The following TNIK variants were observed in gnomAD, a reference collection of about 807,000 sequenced individuals.
TNIK encodes the protein TRAF2 and NCK-interacting protein kinase.
Under a neutral mutation model 191.3 loss-of-function variants are expected in TNIK, and 49 were observed. The observed-to-expected ratio is 0.26, with a 90% CI of 0.20 to 0.32. TNIK has a LOEUF of 0.32. Ranked by LOEUF, TNIK falls within the 10% of genes least tolerant of loss-of-function variation. The pLI is 1.00. For missense variants in TNIK, 1,155 were observed against 1,702.3 expected (o/e 0.68, Z 5.66); for synonymous variants, 594 against 600.9 (o/e 0.99, Z 0.17).
intron 12 of TNIK, among the ~76,000 whole-genome samples, chr3:171,149,226 G>T (rs1274057485): frequency 3.3e-5 from 5 of 152,226 alleles, no homozygotes; most frequent in African/African-American, 1.2e-4. Flanking sequence ...GACAACGGAG[G>T]GTAGGTCTGT....
chr3:171,090,540 C>T (rs139232900), intron 23 of TNIK, among the ~76,000 whole-genome samples: 287 of 142,222 alleles, frequency 2.0e-3, no homozygotes, highest in African/African-American at 7.3e-3. Context: ...GGAGGATCAA[C>T]GCTGAAAAGA....
chr3:171,203,120 T>C (rs1739621042), intron 4 of TNIK, among the ~76,000 whole-genome samples: 1 of 152,116 alleles, frequency 6.6e-6, no homozygotes, highest in Non-Finnish European at 1.5e-5. Context: ...ACAAGGGTGG[T>C]TAAATTTTTA....
At chr3:171,175,761 G>A (rs973452385) in intron 8 of TNIK, among the ~76,000 whole-genome samples, 16 of 152,124 alleles carry the variant, frequency 1.1e-4, no homozygotes, top group African/African-American at 3.6e-4. Context: ...TTTCTTACAC[G>A]TCGACAGCTC....
intron 2 of TNIK, among the ~76,000 whole-genome samples, chr3:171,361,580 T>A (rs1407344543): frequency 6.6e-6 from 1 of 152,176 alleles, no homozygotes; most frequent in Non-Finnish European, 1.5e-5. Flanking sequence ...CAAAGGTGAA[T>A]GATTCTCCTA....
In TNIK at chr3:171,110,773, G is replaced by A. The variant is rs1725733525; in HGVS notation, c.2225C>T (p.Ser742Phe). 3 of 1,603,582 alleles carry A rather than the reference G, an allele frequency of 1.9e-6. No homozygotes were observed. Among genetic ancestry groups the A allele is most frequent in the Non-Finnish European group, 8.5e-7 (1 of 1,175,316 alleles). Residue 742 changes from serine to phenylalanine, a missense_variant, in exon 19 of 33, where the codon TCC becomes TTC. Ser to Phe is a radical substitution (Grantham distance 155). Coordinates refer to ENST00000436636, the MANE Select transcript of TNIK (RefSeq NM_015028.4). ...TGATCCAGGCTGGGAGCCTCCTTGGGAGCTGGGCTGGGAGCTAGGGGTGCT... is the reference window on the plus strand; with the variant it reads ...TGATCCAGGCTGGGAGCCTCCTTGGAAGCTGGGCTGGGAGCTAGGGGTGCT... ...SSSTPSSQPSSQGGSQPGSQA... is the reference protein window; with the variant it reads ...SSSTPSSQPSFQGGSQPGSQA...
intron 7 of TNIK, among the ~76,000 whole-genome samples, chr3:171,181,827 A>G (rs927708053): frequency 6.6e-6 from 1 of 152,216 alleles, no homozygotes; most frequent in African/African-American, 2.4e-5. Context: ...CTGGTGACAT[A>G]AGAAACGTAA....
intron 15 of TNIK, among the ~76,000 whole-genome samples, chr3:171,135,484 A>G (rs538978855): frequency 6.6e-6 from 1 of 152,324 alleles, no homozygotes; most frequent in South Asian, 2.1e-4. Context: ...TAAATGTTTC[A>G]TCTTTCTTCT....
rs765111740 is a variant in TNIK at position 171,175,249 on chromosome 3, C to T, written c.773+3G>A. On this transcript the variant is annotated splice_donor_region_variant and intron_variant, in intron 9 of 32. Transcript: ENST00000436636. ...TCTGCGAAACATCGAAGACCAAACT[C>T]ACCACTTCTTAGACTTCAGCCGAGG... is the stretch of plus-strand genomic sequence containing the variant. 1.9e-6 allele frequency: 3 copies of T among 1,612,042 alleles called. No individual in the cohort carries two copies. The highest frequency in any genetic ancestry group is 2.2e-5 in the South Asian group (2 of 90,240).
intron 21 of TNIK, among the ~76,000 whole-genome samples, chr3:171,104,676 CA>C (rs1332109420): frequency 2.6e-5 from 4 of 152,028 alleles, no homozygotes; most frequent in African/African-American, 9.7e-5. Context: ...AATATTAGTT[CA>C]ATTTTTGAAC....
At chr3:171,321,858 C>T (rs556480555) in intron 2 of TNIK, among the ~76,000 whole-genome samples, 8 of 152,236 alleles carry the variant, frequency 5.3e-5, no homozygotes, top group African/African-American at 1.7e-4. Context: ...TGTTTCACTC[C>T]CAAACCCAGC....
At chr3:171,179,091 G>A (rs1736323183) in intron 7 of TNIK, among the ~76,000 whole-genome samples, 2 of 152,176 alleles carry the variant, frequency 1.3e-5, no homozygotes, top group Admixed American at 1.3e-4. Context: ...CACACTAGGA[G>A]CAAGGGGGAT....
intron 16 of TNIK, among the ~76,000 whole-genome samples, chr3:171,126,646 A>G (rs1240521900): frequency 6.6e-6 from 1 of 152,320 alleles, no homozygotes; most frequent in South Asian, 2.1e-4. Context: ...TAAGGTGTAG[A>G]GAGGTTTAGC....
At chr3:171,454,429 T>G (rs367611652) in intron 1 of TNIK, among the ~76,000 whole-genome samples, 1 of 152,208 alleles carries the variant, frequency 6.6e-6, no homozygotes, top group East Asian at 1.9e-4. Flanking sequence ...CTGAAAGAAA[T>G]GTACTGGGTA....
At chr3:171,333,584 G>GAAAAAAAAAAAA (rs562856294) in intron 2 of TNIK, among the ~76,000 whole-genome samples, 5 of 114,248 alleles carry the variant, frequency 4.4e-5, no homozygotes, top group African/African-American at 6.2e-5. Context: ...CAAAAAGAAA[G>GAAAAAAAAAAAA]AAAAAAAAAA....
chr3:171,172,391 G>A (rs71306696), intron 9 of TNIK, among the ~76,000 whole-genome samples: 9,357 of 152,040 alleles, frequency 0.062, 417 homozygotes, highest in Middle Eastern at 0.11. Context: ...GTCGGGGGAG[G>A]GAGTCTTTTC....
Position 171,460,222 on chromosome 3 carries a change from C to A in TNIK, c.-159G>T. On this transcript the variant is annotated 5_prime_UTR_variant, in exon 1 of 33. Coordinates refer to ENST00000436636, the MANE Select transcript of TNIK (RefSeq NM_015028.4). This position sits in a 1 kb window ranked among gnomAD's most constrained non-coding sequence, Gnocchi z 6.8. ...CACCCCAGCCCCACAGCGCCGGATC[C>A]CGATCCTCCGCGCGTCGGTCCGCCG... The A allele has an allele frequency of 1.1e-6, 1 of 892,018 alleles. No individual in the cohort carries two copies. The highest frequency in any genetic ancestry group is 1.7e-6 in the Non-Finnish European group (1 of 587,314). The allele number at this position is 892,018 out of a possible 1,614,324, so 55.3% of individuals were successfully genotyped here. A position where few individuals can be genotyped will look rare whatever the true frequency, so the allele number is the denominator to read the frequency against.
intron 5 of TNIK, 142 bp from the exon 6 acceptor site, chr3:171,190,929 A>G (rs1737991313): frequency 1.7e-6 from 1 of 588,510 alleles, no homozygotes; most frequent in Admixed American, 3.0e-5. Flanking sequence ...TCATGTGCTC[A>G]TAGTGCTCTT....
chr3:171,186,256 G>A (rs1737357060), intron 7 of TNIK, among the ~76,000 whole-genome samples: 2 of 152,228 alleles, frequency 1.3e-5, no homozygotes, highest in Admixed American at 1.3e-4. Context: ...CAAGAAAGAA[G>A]TAGTAAGGTT....
chr3:171,132,362 A>C (rs879469502), intron 15 of TNIK, among the ~76,000 whole-genome samples: 1 of 152,248 alleles, frequency 6.6e-6, no homozygotes, highest in Non-Finnish European at 1.5e-5. Flanking sequence ...CACCTCTGCA[A>C]AAATGCTATA....
Sources: allele counts gnomAD v4.1 joint callset (sites outside exome capture counted in the v4.1 genomes callset), GRCh38; gene constraint gnomAD v4.1.1; non-coding constraint Gnocchi (gnomAD v3.1); transcripts MANE v1.5; gene names NCBI Gene and HGNC (gene_info 2026-07-23, HGNC 2026-07-21).